The following ASIC2 variants were observed in gnomAD, a reference collection of about 807,000 sequenced individuals.
ASIC2 encodes acid sensing ion channel subunit 2.
ASIC2 carries 25 observed loss-of-function variants against 57.3 expected under a neutral mutation model. That is an observed-to-expected ratio of 0.44 (90% CI 0.32 to 0.61). The LOEUF is 0.61. Ranked by LOEUF, ASIC2 falls within the 20% of genes least tolerant of loss-of-function variation. The probability of loss-of-function intolerance (pLI) is 0.06; values close to 1 mark genes in which losing one functional copy is unlikely to be tolerated. For synonymous variants in ASIC2, 319 were observed against 307.5 expected, an observed-to-expected ratio of 1.04 and a Z score of -0.39; for missense variants, 641 against 738.1, an observed-to-expected ratio of 0.87 and a Z score of 1.52.
chr17:34,041,520 T>A (rs562549019), intron 1 of ASIC2: 1 of 152,332 alleles, frequency 6.6e-6, no homozygotes, highest in South Asian at 2.1e-4. Flanking sequence ...TATTATAAGC[T>A]CCGAGACCTT....
intron 1 of ASIC2, among the ~76,000 whole-genome samples, chr17:33,853,112 C>T (rs1242476321): frequency 2.6e-5 from 4 of 152,220 alleles, no homozygotes; most frequent in Non-Finnish European, 4.4e-5. Flanking sequence ...AAACACTTCT[C>T]CCACACACAA....
chr17:33,561,611 C>T (rs1916075316), intron 1 of ASIC2, among the ~76,000 whole-genome samples: 1 of 152,168 alleles, frequency 6.6e-6, no homozygotes. Context: ...TTGTAGAACA[C>T]CATCCATTTT....
At chr17:33,563,114 C>A (rs961709680) in intron 1 of ASIC2, among the ~76,000 whole-genome samples, 8 of 152,178 alleles carry the variant, frequency 5.3e-5, no homozygotes, top group Admixed American at 4.6e-4. Context: ...ACTGGGGAAG[C>A]TTCCCTCTAA....
intron 1 of ASIC2, among the ~76,000 whole-genome samples, chr17:33,662,778 T>C (rs1455359527): frequency 1.4e-5 from 2 of 142,710 alleles, no homozygotes; most frequent in African/African-American, 5.0e-5. Context: ...CCTACTTGTC[T>C]TTTTCTTTTC....
At chr17:33,299,163 G>A (rs527375808) in intron 1 of ASIC2, among the ~76,000 whole-genome samples, 1 of 152,312 alleles carries the variant, frequency 6.6e-6, no homozygotes, top group Admixed American at 6.5e-5. Context: ...AAAGCTGGAG[G>A]CATCACACAA....
At chr17:33,100,700 G>A (rs762063765) in intron 2 of ASIC2, among the ~76,000 whole-genome samples, 3 of 152,132 alleles carry the variant, frequency 2.0e-5, no homozygotes, top group Admixed American at 1.3e-4. Context: ...TATAAACTTC[G>A]AAAACCTGGA....
intron 1 of ASIC2, among the ~76,000 whole-genome samples, chr17:33,812,077 A>G (rs934080105): frequency 1.3e-5 from 2 of 152,138 alleles, no homozygotes; most frequent in African/African-American, 4.8e-5. Context: ...CCTTTATTGT[A>G]AAGTTTAGTT....
At chr17:33,062,448 C>T (rs901113133) in intron 3 of ASIC2, among the ~76,000 whole-genome samples, 3 of 152,214 alleles carry the variant, frequency 2.0e-5, no homozygotes, top group Admixed American at 6.5e-5. Flanking sequence ...GCAGCTTGTT[C>T]AGTTTCCAGG....
In ASIC2 at chr17:34,039,586, G is replaced by A. The variant is rs112293616; in HGVS notation, c.555+116392C>T. 2,601 of 1,613,866 alleles carry A rather than the reference G, an allele frequency of 1.6e-3. 38 individuals carry two copies. In the African/African-American group the frequency reaches 0.03, roughly 18 times the overall value. On this transcript the variant is annotated intron_variant, in intron 1 of 9. Coordinates refer to the ASIC2 transcript ENST00000359872. ...AACACTTCTGCCAGGGCTGGTTCCC[G>A]GCCCGCTTCCCCCAGCAAACTCAAA... is the stretch of plus-strand genomic sequence containing the variant.
intron 1 of ASIC2, among the ~76,000 whole-genome samples, chr17:33,509,572 G>C (rs1207549762): frequency 6.6e-6 from 1 of 152,144 alleles, no homozygotes; most frequent in Admixed American, 6.5e-5. Context: ...ATCATAACTG[G>C]CTGGCGGGGC....
intron 1 of ASIC2, among the ~76,000 whole-genome samples, chr17:34,095,576 A>G (rs909624945): frequency 6.9e-6 from 1 of 145,394 alleles, no homozygotes; most frequent in African/African-American, 2.5e-5. Context: ...GGAACCAGCC[A>G]AGGGAAGAGT....
chr17:33,133,624 G>A (rs1289706880), intron 1 of ASIC2, among the ~76,000 whole-genome samples: 1 of 152,212 alleles, frequency 6.6e-6, no homozygotes, highest in Non-Finnish European at 1.5e-5. Context: ...TTAAGTCTGT[G>A]TGACTCCAAA....
intron 1 of ASIC2, among the ~76,000 whole-genome samples, chr17:33,744,749 A>C (rs1910211972): frequency 6.6e-6 from 1 of 152,218 alleles, no homozygotes; most frequent in South Asian, 2.1e-4. Context: ...TGACAAAGAC[A>C]TCAAAGTAGA....
At chr17:33,073,757 C>T (rs1344168624) in intron 3 of ASIC2, among the ~76,000 whole-genome samples, 1 of 152,146 alleles carries the variant, frequency 6.6e-6, no homozygotes, top group Non-Finnish European at 1.5e-5. Flanking sequence ...ATATCAAAAT[C>T]CAATGGACAA....
intron 1 of ASIC2, among the ~76,000 whole-genome samples, chr17:33,280,325 TCTCA>T (rs1304147135): frequency 6.6e-6 from 1 of 152,184 alleles, no homozygotes; most frequent in African/African-American, 2.4e-5. Context: ...CAAAAAAGGC[TCTCA>T]CTCCATGCAC....
At chr17:33,528,798 C>A (rs1914965327) in intron 1 of ASIC2, among the ~76,000 whole-genome samples, 1 of 152,182 alleles carries the variant, frequency 6.6e-6, no homozygotes, top group South Asian at 2.1e-4. Flanking sequence ...TCCCCTGTGC[C>A]TTCAGAGAGC....
At chr17:33,609,636 G>T (rs1905333257) in intron 1 of ASIC2, among the ~76,000 whole-genome samples, 1 of 152,152 alleles carries the variant, frequency 6.6e-6, no homozygotes, top group Non-Finnish European at 1.5e-5. Flanking sequence ...TCATAGCTTG[G>T]AGTTAAGATT....
intron 1 of ASIC2, among the ~76,000 whole-genome samples, chr17:33,201,470 C>A (rs1459621955): frequency 6.6e-6 from 1 of 152,194 alleles, no homozygotes; most frequent in Non-Finnish European, 1.5e-5. Context: ...GAGACGTGCC[C>A]ACCAATGCCA....
chr17:33,940,107 C>T (rs932824250), intron 1 of ASIC2, among the ~76,000 whole-genome samples: 1 of 152,198 alleles, frequency 6.6e-6, no homozygotes, highest in African/African-American at 2.4e-5. Flanking sequence ...CTAGGTAAGC[C>T]ATTGTCCAAG....
Sources: allele counts gnomAD v4.1 joint callset (sites outside exome capture counted in the v4.1 genomes callset), GRCh38; gene constraint gnomAD v4.1.1; transcripts MANE v1.5; gene names NCBI Gene and HGNC (gene_info 2026-07-23, HGNC 2026-07-21).